The following DIRAS2 variants were observed in gnomAD, a reference collection of about 807,000 sequenced individuals.
The protein encoded by DIRAS2 is DIRAS family GTPase 2.
DIRAS2 carries 5 observed loss-of-function variants against 13.9 expected under a neutral mutation model. The ratio of observed to expected loss-of-function variants is 0.36; its 90% confidence interval spans 0.19 to 0.76. The LOEUF (loss-of-function observed/expected upper bound fraction) is 0.76. DIRAS2 is among the 30% of genes least tolerant of loss of function. DIRAS2 has a pLI of 0.53. For synonymous variants in DIRAS2, 111 were observed against 105.4 expected (o/e 1.05, Z -0.33); for missense variants, 191 against 263.0 (o/e 0.73, Z 1.89).
intron 1 of DIRAS2, among the ~76,000 whole-genome samples, chr9:90,639,120 G>A (rs190046258): frequency 1.4e-3 from 214 of 152,198 alleles, no homozygotes; most frequent in Non-Finnish European, 2.5e-3. Context: ...CATACAAAAC[G>A]CTGCCCTCTT....
In DIRAS2 at chr9:90,613,294, G is replaced by A. The variant is rs904283931; in HGVS notation, c.534C>T (p.Ile178=). ...LEKRRTVSLQ[I]DGKKSKQQKR... Reference sequence around the variant, plus strand: ...TCTGCTGCTTGCTCTTTTTCCCGTCGATCTGGAGACTCACGGTCCTGCGCT... The same window carrying A: ...TCTGCTGCTTGCTCTTTTTCCCGTCAATCTGGAGACTCACGGTCCTGCGCT... Residue 178 remains isoleucine (I), a synonymous_variant, in exon 2 of 2, where the codon ATC becomes ATT. Coordinates refer to ENST00000375765, the MANE Select transcript of DIRAS2 (RefSeq NM_017594.5). This position sits in a 1 kb window ranked among gnomAD's most constrained non-coding sequence, Gnocchi z 5.6. The A allele has an allele frequency of 2.5e-6, 4 of 1,613,804 alleles. No homozygotes were observed. Among genetic ancestry groups the A allele is most frequent in the Non-Finnish European group, 3.4e-6 (4 of 1,179,974 alleles).
chr9:90,630,640 CA>C (rs911801417), intron 1 of DIRAS2, among the ~76,000 whole-genome samples: 1 of 151,834 alleles, frequency 6.6e-6, no homozygotes, highest in African/African-American at 2.4e-5. Flanking sequence ...AGCAAAACAA[CA>C]AAAAAAAGAG....
rs989005477 is a variant in DIRAS2, at chr9:90,612,487, G to A, written c.*741C>T. 4 of 152,222 alleles carry A rather than the reference G, an allele frequency of 2.6e-5. No individual in the cohort carries two copies. Among genetic ancestry groups the A allele is most frequent in the South Asian group, 2.1e-4 (1 of 4,820 alleles). The allele number at this position is 152,222 out of a possible 1,614,324, so 9.4% of individuals were successfully genotyped here. On this transcript the variant is annotated 3_prime_UTR_variant, in exon 2 of 2. Coordinates refer to ENST00000375765, the MANE Select transcript of DIRAS2 (RefSeq NM_017594.5). ...GTATAACACACAGGAACATTATTGC[G>A]ATGTTTTAATACTGTCACGATATCC...
chr9:90,637,543 T>C (rs1455299007), intron 1 of DIRAS2, among the ~76,000 whole-genome samples: 1 of 152,180 alleles, frequency 6.6e-6, no homozygotes, highest in African/African-American at 2.4e-5. Flanking sequence ...TCCCCAAACC[T>C]TGCATAATAT....
At chr9:90,634,438 A>T (rs1825353434) in intron 1 of DIRAS2, among the ~76,000 whole-genome samples, 1 of 152,228 alleles carries the variant, frequency 6.6e-6, no homozygotes, top group African/African-American at 2.4e-5. Flanking sequence ...AATGATCAAT[A>T]ACCTCATACA....
At chr9:90,618,690 A>G (rs987455960) in intron 1 of DIRAS2, among the ~76,000 whole-genome samples, 7 of 152,256 alleles carry the variant, frequency 4.6e-5, no homozygotes, top group African/African-American at 1.7e-4. Context: ...CTACAATTCA[A>G]CAACAACAAA....
chr9:90,637,718 G>A (rs1825383655), intron 1 of DIRAS2, among the ~76,000 whole-genome samples: 1 of 152,176 alleles, frequency 6.6e-6, no homozygotes, highest in African/African-American at 2.4e-5. Flanking sequence ...TCTTTGCTCG[G>A]TTTTTAGTAG....
chr9:90,629,236 C>T (rs1339051190), intron 1 of DIRAS2, among the ~76,000 whole-genome samples: 2 of 152,170 alleles, frequency 1.3e-5, no homozygotes, highest in African/African-American at 4.8e-5. Context: ...ATATGTGGTT[C>T]ACACGGTCGG....
rs1226534643 is a variant in DIRAS2 at position 90,613,496 on chromosome 9, A to G, written c.332T>C (p.Val111Ala). The change falls in exon 2 of 2, where the codon GTG becomes GCG. Residue 111 changes from valine (V) to alanine (A), a missense_variant. Coordinates refer to ENST00000375765, the MANE Select transcript of DIRAS2 (RefSeq NM_017594.5). This position sits in a 1 kb window ranked among gnomAD's most constrained non-coding sequence, Gnocchi z 5.6. ...CACCAGCATGATGGGGATGCTCTCC[A>G]CGTCCCCTTTGATCTCGCAGATTTG... ...YEQICEIKGD[V>A]ESIPIMLVGN... The G allele has an allele frequency of 6.2e-7, 1 of 1,613,820 alleles. No individual in the cohort carries two copies. Among genetic ancestry groups the G allele is most frequent in the Admixed American group, 1.7e-5 (1 of 60,002 alleles).
Position 90,613,200 on chromosome 9 carries a change from A to G in DIRAS2, c.*28T>C. On this transcript the variant is annotated 3_prime_UTR_variant, in exon 2 of 2. Transcript: ENST00000375765. The surrounding 1 kb of genome is among the most constrained non-coding windows in gnomAD (Gnocchi z 5.6). ...TGGGGGAGTGAGGTGCCGGGGACACACAGCTGCTCCTCCCGCAGGAAGGGC... is the reference window on the plus strand; with the variant it reads ...TGGGGGAGTGAGGTGCCGGGGACACGCAGCTGCTCCTCCCGCAGGAAGGGC... 1 of 1,589,216 alleles carries G rather than the reference A, an allele frequency of 6.3e-7. No homozygotes were observed. Among genetic ancestry groups the G allele is most frequent in the Non-Finnish European group, 8.6e-7 (1 of 1,166,656 alleles).
intron 1 of DIRAS2, among the ~76,000 whole-genome samples, chr9:90,631,492 G>A (rs1825324766): frequency 6.6e-6 from 1 of 152,188 alleles, no homozygotes; most frequent in African/African-American, 2.4e-5. Flanking sequence ...CCAAGGGTCA[G>A]GAGCGGAGGC....
intron 1 of DIRAS2, among the ~76,000 whole-genome samples, chr9:90,617,310 G>C (rs1246646006): frequency 2.0e-5 from 3 of 152,158 alleles, no homozygotes; most frequent in Non-Finnish European, 4.4e-5. Context: ...GTAGGTGATT[G>C]GGATTTAGTG....
At chr9:90,621,762 A>G (rs1825221314) in intron 1 of DIRAS2, among the ~76,000 whole-genome samples, 1 of 152,182 alleles carries the variant, frequency 6.6e-6, no homozygotes, top group Non-Finnish European at 1.5e-5. Flanking sequence ...TGAATAACAG[A>G]CCTTTGCATC....
chr9:90,627,755 C>G (rs997830806), intron 1 of DIRAS2, among the ~76,000 whole-genome samples: 1 of 152,030 alleles, frequency 6.6e-6, no homozygotes, highest in Non-Finnish European at 1.5e-5. Context: ...AATAACCGAA[C>G]CATGAATTAA....
At chr9:90,633,966 A>C (rs1313567517) in intron 1 of DIRAS2, among the ~76,000 whole-genome samples, 1 of 152,246 alleles carries the variant, frequency 6.6e-6, no homozygotes, top group Non-Finnish European at 1.5e-5. Context: ...TGATTTGTTA[A>C]GTTTTTAAAA....
chr9:90,626,585 G>T (rs1026806889), intron 1 of DIRAS2, among the ~76,000 whole-genome samples: 10 of 152,112 alleles, frequency 6.6e-5, no homozygotes, highest in South Asian at 2.1e-4. Context: ...ATGAAGTACC[G>T]CTTCACACCC....
chr9:90,639,899 G>A (rs1327099043), intron 1 of DIRAS2, among the ~76,000 whole-genome samples: 1 of 152,166 alleles, frequency 6.6e-6, no homozygotes, highest in East Asian at 1.9e-4. Flanking sequence ...TGGTGATGGC[G>A]CCGAACATGT....
chr9:90,634,386 G>A (rs1168097446), intron 1 of DIRAS2, among the ~76,000 whole-genome samples: 2 of 152,198 alleles, frequency 1.3e-5, no homozygotes, highest in Non-Finnish European at 2.9e-5. Flanking sequence ...GACCGGGCAG[G>A]TTAGCAATAG....
chr9:90,615,779 T>C (rs1215823374), intron 1 of DIRAS2, among the ~76,000 whole-genome samples: 1 of 152,226 alleles, frequency 6.6e-6, no homozygotes, highest in Non-Finnish European at 1.5e-5. Context: ...ACTGATGCCA[T>C]GACAGGCATT....
Sources: allele counts gnomAD v4.1 joint callset (sites outside exome capture counted in the v4.1 genomes callset), GRCh38; gene constraint gnomAD v4.1.1; non-coding constraint Gnocchi (gnomAD v3.1); transcripts MANE v1.5; gene names NCBI Gene and HGNC (gene_info 2026-07-23, HGNC 2026-07-21).